DTNA: variants seen among roughly 807,000 people sequenced by gnomAD.
The protein encoded by DTNA is dystrophin-related protein 3.
In DTNA, 43 loss-of-function variants were observed where a neutral mutation model predicts 100.7. The ratio of observed to expected loss-of-function variants is 0.43; its 90% CI spans 0.33 to 0.55. The LOEUF (loss-of-function observed/expected upper bound fraction) is 0.55, where lower values mean the gene tolerates loss of function less well. Among genes scored for constraint, DTNA ranks in the 20% least tolerant of loss-of-function variants. The pLI, the probability that DTNA is intolerant of heterozygous loss-of-function variation, is 0.04. For synonymous variants in DTNA, 349 were observed against 347.9 expected (o/e 1.00, Z -0.04); for missense variants, 798 against 953.9 (o/e 0.84, Z 2.15).
rs554768280 is a variant in DTNA at position 34,844,296 on chromosome 18, G to A, written c.1347-4000G>A. 3.2e-4 allele frequency among the ~76,000 whole-genome samples: 48 copies of A among 152,106 alleles called. No homozygotes were observed. In the South Asian group the frequency reaches 9.1e-3, roughly 29 times the overall value. On this transcript the variant is annotated intron_variant, in intron 13 of 22. Coordinates refer to ENST00000444659, the MANE Select transcript of DTNA (RefSeq NM_001386795.1). ...GAAGATTGCCATTTCATGATTTCCT[G>A]TCTTTTTTTGTTGTTATTCCAAACC...
intron 17 of DTNA, chr18:34,867,416 A>C (rs1217070824): frequency 7.3e-6 from 9 of 1,227,274 alleles, no homozygotes; most frequent in Non-Finnish European, 9.1e-6. Context: ...TGGGTGAAGG[A>C]CACATAACAC....
chr18:34,882,424 A>G (rs2096881909), intron 21 of DTNA, among the ~76,000 whole-genome samples: 1 of 151,992 alleles, frequency 6.6e-6, no homozygotes, highest in Admixed American at 6.6e-5. Flanking sequence ...GCTGGAGTGC[A>G]GTGGTGTGAT....
At chr18:34,873,893 G>A (rs2150308597) in intron 17 of DTNA, among the ~76,000 whole-genome samples, 1 of 152,150 alleles carries the variant, frequency 6.6e-6, no homozygotes, top group South Asian at 2.1e-4. Context: ...ATCACAACCG[G>A]GCAAAGTTCT....
chr18:34,797,115 G>A (rs1174005071), intron 4 of DTNA, among the ~76,000 whole-genome samples: 1 of 152,160 alleles, frequency 6.6e-6, no homozygotes, highest in Non-Finnish European at 1.5e-5. Context: ...GACCCCAGTG[G>A]TTTATGCTCA....
At chr18:34,601,568 G>A (rs576073149) in intron 1 of DTNA, among the ~76,000 whole-genome samples, 1 of 152,246 alleles carries the variant, frequency 6.6e-6, no homozygotes, top group South Asian at 2.1e-4. Context: ...TGGATAATAG[G>A]CAGCCTAAAA....
chr18:34,855,243 T>G (rs146908010), intron 15 of DTNA, among the ~76,000 whole-genome samples: 3 of 152,326 alleles, frequency 2.0e-5, no homozygotes, highest in South Asian at 4.1e-4. Flanking sequence ...CCAAAGAATT[T>G]TAATTCTATC....
At chr18:34,686,881 T>C (rs1352686948) in intron 1 of DTNA, among the ~76,000 whole-genome samples, 1 of 151,888 alleles carries the variant, frequency 6.6e-6, no homozygotes, top group Non-Finnish European at 1.5e-5. Flanking sequence ...GGAGGGTGTA[T>C]GTGTCCAAGA....
At chr18:34,652,117 G>A (rs1162804816) in intron 1 of DTNA, among the ~76,000 whole-genome samples, 1 of 146,160 alleles carries the variant, frequency 6.8e-6, no homozygotes, top group Non-Finnish European at 1.5e-5. Flanking sequence ...GAAGGAAGGA[G>A]AGAAGAAAAG....
At chr18:34,790,816 G>A (rs928293963) in intron 3 of DTNA, among the ~76,000 whole-genome samples, 20 of 152,138 alleles carry the variant, frequency 1.3e-4, no homozygotes, top group African/African-American at 4.1e-4. Flanking sequence ...AACAGTAAGC[G>A]TGATAGCATT....
At position 34,539,312 on chromosome 18, in the gene DTNA, G is replaced by A. The variant is rs1601628413; in HGVS notation, c.-2+45798G>A. 2.6e-5 allele frequency among the ~76,000 whole-genome samples: 4 copies of A among 151,878 alleles called. No individual in the cohort carries two copies. In the South Asian group the frequency reaches 6.2e-4, roughly 24 times the overall value. On this transcript the variant is annotated intron_variant, in intron 1 of 19. Coordinates refer to the DTNA transcript ENST00000283365. ...ATGTTTGTCCAAGGAAGACAAATTT[G>A]CATTTTGAATTTAAAATTTGAATTC...
chr18:34,570,195 C>T (rs1414721084), intron 1 of DTNA, among the ~76,000 whole-genome samples: 2 of 152,174 alleles, frequency 1.3e-5, no homozygotes, highest in African/African-American at 2.4e-5. Context: ...ATCTAAGCCA[C>T]TGAGTATAGT....
intron 1 of DTNA, among the ~76,000 whole-genome samples, chr18:34,545,175 A>G (rs1291941487): frequency 6.6e-6 from 1 of 152,022 alleles, no homozygotes; most frequent in African/African-American, 2.4e-5. Context: ...GAGTCCAGGC[A>G]GCGCTTGGAA....
At chr18:34,790,567 A>ATATATATATATATATATTTTTTT (rs2094687460) in intron 3 of DTNA, among the ~76,000 whole-genome samples, 5 of 39,656 alleles carry the variant, frequency 1.3e-4, no homozygotes, top group African/African-American at 4.6e-4. Flanking sequence ...ATATATATAT[A>ATATATATATATATATATTTTTTT]TTTTTTTTTT....
chr18:34,567,669 A>G (rs369671576), intron 1 of DTNA, among the ~76,000 whole-genome samples: 1 of 152,200 alleles, frequency 6.6e-6, no homozygotes, highest in Non-Finnish European at 1.5e-5. Flanking sequence ...AAACCATGCA[A>G]TGTTATAGAT....
rs140457475 is a variant in DTNA, at chr18:34,849,916, C to T, written c.1434+1533C>T. Among the ~76,000 whole-genome samples the T allele has an allele frequency of 9.0e-3, 1,375 of 152,294 alleles. 20 individuals carry two copies. Among genetic ancestry groups the T allele is most frequent in the Non-Finnish European group, 0.012 (785 of 68,028 alleles). On this transcript the variant is annotated intron_variant, in intron 14 of 22. Coordinates refer to ENST00000444659, the MANE Select transcript of DTNA (RefSeq NM_001386795.1). The stretch of plus-strand genomic sequence containing the variant: ...CAGCATTTGCATTAGTGATCCCTGG[C>T]AGACTGCTAAATCTCCATGCACATG...
chr18:34,858,057 T>C (rs145856461), intron 15 of DTNA, among the ~76,000 whole-genome samples: 4 of 152,236 alleles, frequency 2.6e-5, no homozygotes, highest in African/African-American at 9.6e-5. Context: ...GCTTCTAGGT[T>C]TGGATGTACT....
intron 3 of DTNA, among the ~76,000 whole-genome samples, chr18:34,770,711 C>T (rs1601735979): frequency 6.6e-6 from 1 of 151,430 alleles, no homozygotes; most frequent in African/African-American, 2.4e-5. Flanking sequence ...TATTTGTAAT[C>T]GATTTGATAA....
intron 4 of DTNA, among the ~76,000 whole-genome samples, chr18:34,803,297 T>C (rs9965887): frequency 0.025 from 3,842 of 151,972 alleles, 170 homozygotes; most frequent in African/African-American, 0.087. Context: ...CTAGATTTAT[T>C]GTGTCAATTT....
At chr18:34,756,538 C>G (rs531241037) in intron 2 of DTNA, among the ~76,000 whole-genome samples, 31 of 152,274 alleles carry the variant, frequency 2.0e-4, no homozygotes, top group Non-Finnish European at 4.3e-4. Context: ...ATAAACTTGT[C>G]ATTCAGACCT....
Sources: allele counts gnomAD v4.1 joint callset (sites outside exome capture counted in the v4.1 genomes callset), GRCh38; gene constraint gnomAD v4.1.1; transcripts MANE v1.5; gene names NCBI Gene and HGNC (gene_info 2026-07-23, HGNC 2026-07-21).